Variants in EDEM1 observed in about 807,000 individuals in gnomAD.
The protein encoded by EDEM1 is ER degradation enhancing alpha-mannosidase like protein 1.
EDEM1 carries 67 observed loss-of-function variants against 74.4 expected under a neutral mutation model. The ratio of observed to expected loss-of-function variants is 0.90; its 90% CI spans 0.74 to 1.10. The LOEUF is 1.10. Among genes scored for constraint, EDEM1 ranks in the 50% least tolerant of loss-of-function variants. The pLI is 0.00. For synonymous variants in EDEM1, 382 were observed against 335.9 expected, an observed-to-expected ratio of 1.14 and a Z score of -1.50; for missense variants, 926 against 851.6, an observed-to-expected ratio of 1.09 and a Z score of -1.09.
intron 11 of EDEM1, among the ~76,000 whole-genome samples, chr3:5,215,297 T>TG (rs542039971): frequency 0.012 from 1,318 of 109,430 alleles, 16 homozygotes; most frequent in African/African-American, 0.04. Flanking sequence ...GTGGTGGGGG[T>TG]GGGGGGGTTT....
intron 11 of EDEM1, among the ~76,000 whole-genome samples, chr3:5,214,043 C>G (rs554010594): frequency 6.6e-6 from 1 of 152,154 alleles, no homozygotes; most frequent in Non-Finnish European, 1.5e-5. Context: ...GTGATGGTCA[C>G]GATGGTCCCA....
At position 5,201,743 on chromosome 3, in the gene EDEM1, C is replaced by T. The variant is rs749469628; in HGVS notation, c.687-10C>T. The T allele has an allele frequency of 1.5e-5, 25 of 1,613,688 alleles. No individual in the cohort carries two copies. The South Asian group carries it at 2.7e-4, about 18-fold the overall frequency. On this transcript the variant is annotated splice_polypyrimidine_tract_variant and intron_variant, in intron 3 of 11. Coordinates refer to ENST00000256497, the MANE Select transcript of EDEM1 (RefSeq NM_014674.3). ...CGATTGTATTATCTTTTTGTTCTTC[C>T]TGTCATTAGGGTCCTGGGAAGCCTC...
intron 2 of EDEM1, among the ~76,000 whole-genome samples, chr3:5,195,846 G>C (rs2054959891): frequency 6.6e-6 from 1 of 152,384 alleles, no homozygotes; most frequent in Admixed American, 6.5e-5. Flanking sequence ...TGACTCTGGA[G>C]AACTAGAGGC....
At position 5,216,545 on chromosome 3, in the gene EDEM1, A is replaced by G. The variant is rs976094173; in HGVS notation, c.*627A>G. 1 of 152,250 alleles carries G rather than the reference A, an allele frequency of 6.6e-6. No individual in the cohort carries two copies. Among genetic ancestry groups the G allele is most frequent in the Admixed American group, 6.5e-5 (1 of 15,280 alleles). The allele number at this position is 152,250 out of a possible 1,614,324, so 9.4% of individuals were successfully genotyped here. A position where few individuals can be genotyped will look rare whatever the true frequency, so the allele number is the denominator to read the frequency against. ...ATGTCATCCTTTCTGTTGTTAGATA[A>G]TTGGGGTCTTCCCCTGATATCCAAC... On this transcript the variant is annotated 3_prime_UTR_variant, in exon 12 of 12. Transcript: ENST00000256497.
chr3:5,187,968 C>A lies in EDEM1; in HGVS notation c.163C>A (p.Pro55Thr), dbSNP rs746032393. 1.3e-6 allele frequency: 2 copies of A among 1,555,546 alleles called. No homozygotes were observed. ...GAGGAGCCCCGACGGCCCCGCGTCG[C>A]CCACCTCGGGGCCCGTGGGCCGGCC... ...RLRSPDGPAS[P>T]TSGPVGRPGG... is the part of the protein sequence containing the mutation. Residue 55 changes from proline (P) to threonine (T), a missense_variant, in exon 1 of 12, where the codon CCC becomes ACC. Transcript: ENST00000256497.
chr3:5,205,230 C>G lies in EDEM1; in HGVS notation c.1206C>G (p.Tyr402Ter), dbSNP rs777532368. ...FNAAYQSIQN[Y>*]LRRGREACNE... is the part of the protein sequence containing the mutation. ...CTGCATATCAGAGTATTCAGAACTACTTAAGAAGAGGGTATGTCTCCCTAA... is the reference window on the plus strand; with the variant it reads ...CTGCATATCAGAGTATTCAGAACTAGTTAAGAAGAGGGTATGTCTCCCTAA... The change falls in exon 6 of 12, where the codon TAC (tyrosine) becomes TAG (stop). Residue 402 changes from tyrosine to a stop codon, truncating the protein, a stop_gained. Transcript: ENST00000256497. LOFTEE classifies it high-confidence loss of function. 1.9e-6 allele frequency: 3 copies of G among 1,613,584 alleles called. No homozygotes were observed. Among genetic ancestry groups the G allele is most frequent in the African/African-American group, 2.7e-5 (2 of 75,010 alleles).
At position 5,219,355 on chromosome 3, in the gene EDEM1, A is replaced by G. The variant is rs896322788; in HGVS notation, c.*3437A>G. 6.6e-6 allele frequency: 1 copy of G among 152,176 alleles called. No homozygotes were observed. The highest frequency in any genetic ancestry group is 1.5e-5 in the Non-Finnish European group (1 of 68,032). 9.4% of individuals were successfully genotyped at this position (152,176 alleles called of 1,614,324 possible). A position where few individuals can be genotyped will look rare whatever the true frequency, so the allele number is the denominator to read the frequency against. On this transcript the variant is annotated 3_prime_UTR_variant, in exon 12 of 12. Coordinates refer to ENST00000256497, the MANE Select transcript of EDEM1 (RefSeq NM_014674.3). ...TTAGCCACAGGGTGGCTGAGCAGGA[A>G]CTTTAGAAGAAAATCCTGAGCTTTC...
rs765846281 is a variant in EDEM1 at position 5,187,998 on chromosome 3, G to A, written c.193G>A (p.Gly65Arg). Residue 65 changes from glycine to arginine, a missense_variant, in exon 1 of 12, where the codon GGG (glycine) becomes AGG (arginine). Transcript: ENST00000256497. ...PTSGPVGRPG[G>R]VSGPSWLQPP... ...CTCGGGGCCCGTGGGCCGGCCTGGG[G>A]GGGTATCCGGGCCGTCGTGGCTGCA... is the stretch of plus-strand genomic sequence containing the variant. The A allele has an allele frequency of 2.0e-6, 3 of 1,511,964 alleles. No homozygotes were observed. The highest frequency in any genetic ancestry group is 1.4e-5 in the African/African-American group (1 of 69,176). The allele number at this position is 1,511,964 out of a possible 1,614,324, so 93.7% of individuals were successfully genotyped here. A position where few individuals can be genotyped will look rare whatever the true frequency, so the allele number is the denominator to read the frequency against.
At chr3:5,200,710 G>A (rs1320391428) in intron 3 of EDEM1, among the ~76,000 whole-genome samples, 1 of 152,112 alleles carries the variant, frequency 6.6e-6, no homozygotes, top group Non-Finnish European at 1.5e-5. Context: ...GGTCTACAAG[G>A]ACTTAGGTAT....
At chr3:5,191,609 T>C (rs2054902709) in intron 1 of EDEM1, among the ~76,000 whole-genome samples, 1 of 152,162 alleles carries the variant, frequency 6.6e-6, no homozygotes, top group African/African-American at 2.4e-5. Flanking sequence ...CATTAGAGTA[T>C]TATATAAAAA....
Position 5,213,268 on chromosome 3 carries a change from T to C in EDEM1, c.1681-51T>C, listed in dbSNP as rs975381211. 3 of 1,550,096 alleles carry C rather than the reference T, an allele frequency of 1.9e-6. No individual in the cohort carries two copies. In the African/African-American group the frequency reaches 4.1e-5, roughly 21 times the overall value. On this transcript the variant is annotated intron_variant, in intron 10 of 11. Transcript: ENST00000256497. ...GCTGGGACACGCCCCCATGATTCAG[T>C]TCCCAGTGTGCTACAATTATTGGTT... is the stretch of plus-strand genomic sequence containing the variant.
intron 1 of EDEM1, among the ~76,000 whole-genome samples, chr3:5,192,480 TA>T (rs1200365828): frequency 6.6e-6 from 1 of 152,252 alleles, no homozygotes; most frequent in Non-Finnish European, 1.5e-5. Flanking sequence ...AGGTGAACTT[TA>T]AAAATTTACA....
chr3:5,213,373 A>G lies in EDEM1; in HGVS notation c.1735A>G (p.Thr579Ala). The G allele has an allele frequency of 6.2e-7, 1 of 1,614,126 alleles. No individual in the cohort carries two copies. Among genetic ancestry groups the G allele is most frequent in the Non-Finnish European group, 8.5e-7 (1 of 1,180,002 alleles). Residue 579 changes from threonine to alanine, a missense_variant, in exon 11 of 12, where the codon ACA (threonine) becomes GCA (alanine). By Grantham distance (58) the Thr-to-Ala change is moderately conservative. Coordinates refer to ENST00000256497, the MANE Select transcript of EDEM1 (RefSeq NM_014674.3). ...GTCTGGAACCAGATACATGTTCACA[A>G]CAGAGGGACACATTGTATCTGTGGA... Reference protein sequence around the residue: ...HKSGTRYMFTTEGHIVSVDEH... With the variant: ...HKSGTRYMFTAEGHIVSVDEH...
At chr3:5,196,769 G>A (rs1300741681) in intron 2 of EDEM1, among the ~76,000 whole-genome samples, 1 of 152,108 alleles carries the variant, frequency 6.6e-6, no homozygotes, top group African/African-American at 2.4e-5. Flanking sequence ...GCCCAGACAA[G>A]TATGTTCGAC....
chr3:5,212,673 A>G (rs891713369), intron 10 of EDEM1, among the ~76,000 whole-genome samples: 2 of 152,232 alleles, frequency 1.3e-5, no homozygotes, highest in African/African-American at 4.8e-5. Context: ...CATTCATTCA[A>G]CATTCACAGA....
chr3:5,217,626 T>TA lies in EDEM1; in HGVS notation c.*1709dup, dbSNP rs1215362474. On this transcript the variant is annotated 3_prime_UTR_variant, in exon 12 of 12. Transcript: ENST00000256497. ...CCATCTCTATCTCTTAAACATTTAT[T>TA]ACAACAATTGTTTTAAAATAGAAAA... The TA allele has an allele frequency of 1.3e-5, 2 of 152,670 alleles. No homozygotes were observed. Among genetic ancestry groups the TA allele is most frequent in the Non-Finnish European group, 2.9e-5 (2 of 68,046 alleles). 9.5% of individuals were successfully genotyped at this position (152,670 alleles called of 1,614,324 possible).
At chr3:5,215,069 T>A (rs940047645) in intron 11 of EDEM1, among the ~76,000 whole-genome samples, 4 of 152,068 alleles carry the variant, frequency 2.6e-5, no homozygotes, top group Non-Finnish European at 5.9e-5. Context: ...AGCACAGAGA[T>A]GTGGGCTGGT....
At chr3:5,195,321 T>C in intron 2 of EDEM1, 40 bp downstream of exon 2, 1 of 1,354,986 alleles carries the variant, frequency 7.4e-7, no homozygotes, top group Non-Finnish European at 1.0e-6. Flanking sequence ...AATTAAGATG[T>C]TTTAGAGTTG....
chr3:5,188,539 C>T (rs1438229640), intron 1 of EDEM1: 6 of 426,288 alleles, frequency 1.4e-5, no homozygotes, highest in Non-Finnish European at 2.4e-5. Flanking sequence ...CCGGAATCTC[C>T]AAACTTCAGA....
Sources: allele counts gnomAD v4.1 joint callset (sites outside exome capture counted in the v4.1 genomes callset), GRCh38; gene constraint gnomAD v4.1.1; transcripts MANE v1.5; gene names NCBI Gene and HGNC (gene_info 2026-07-23, HGNC 2026-07-21).